TEX36: variants seen among roughly 807,000 people sequenced by gnomAD.
TEX36 encodes the protein testis-expressed protein 36.
Under a neutral mutation model 13.6 loss-of-function variants are expected in TEX36, and 12 were observed. That is an observed-to-expected ratio of 0.88 (90% CI 0.56 to 1.43). The LOEUF (loss-of-function observed/expected upper bound fraction) is 1.43, where lower values mean the gene tolerates loss of function less well. Among genes scored for constraint, TEX36 ranks in the 40% most tolerant of loss-of-function variants. TEX36 has a pLI of 0.00. For synonymous variants in TEX36, 93 were observed against 83.0 expected (o/e 1.12, Z -0.65); for missense variants, 224 against 228.3 (o/e 0.98, Z 0.12).
At chr10:125,622,453 T>C (rs1465394380) in intron 3 of TEX36, among the ~76,000 whole-genome samples, 1 of 152,262 alleles carries the variant, frequency 6.6e-6, no homozygotes, top group African/African-American at 2.4e-5. Context: ...TGGTCATAGC[T>C]GTTATTGATG....
At chr10:125,639,617 A>C in intron 3 of TEX36, among the ~76,000 whole-genome samples, 2 of 127,690 alleles carry the variant, frequency 1.6e-5, no homozygotes, top group South Asian at 2.7e-4. Flanking sequence ...GGGTGGGGGA[A>C]GCTGAGGGTG....
intron 3 of TEX36, among the ~76,000 whole-genome samples, chr10:125,582,862 G>C (rs1845899818): frequency 6.6e-6 from 1 of 152,144 alleles, no homozygotes. Flanking sequence ...AAGTGCTAAA[G>C]TGACAATTTT....
chr10:125,605,628 G>A (rs1355829760), intron 3 of TEX36, among the ~76,000 whole-genome samples: 1 of 152,068 alleles, frequency 6.6e-6, no homozygotes, highest in Admixed American at 6.6e-5. Context: ...TTGAGATGGA[G>A]TCTCGCTCTG....
chr10:125,662,124 G>T, intron 1 of TEX36, 147 bp from the exon 2 acceptor site: 1 of 1,160,236 alleles, frequency 8.6e-7, no homozygotes, highest in Non-Finnish European at 1.2e-6. Context: ...TAATTTTCAA[G>T]TATTCTTTCC....
chr10:125,678,724 C>G (rs1847348008), intron 1 of TEX36, among the ~76,000 whole-genome samples: 1 of 152,048 alleles, frequency 6.6e-6, no homozygotes, highest in Non-Finnish European at 1.5e-5. Flanking sequence ...TGGGGGCCAG[C>G]TGAGATGGTA....
intron 3 of TEX36, among the ~76,000 whole-genome samples, chr10:125,609,466 A>G (rs1475880971): frequency 3.3e-5 from 5 of 152,226 alleles, no homozygotes; most frequent in Non-Finnish European, 7.3e-5. Context: ...GATCTAACCA[A>G]CAGAATGTGA....
intron 1 of TEX36, among the ~76,000 whole-genome samples, chr10:125,675,276 G>A (rs755486485): frequency 2.6e-5 from 4 of 152,172 alleles, no homozygotes; most frequent in Non-Finnish European, 4.4e-5. Flanking sequence ...CACCAGCAGG[G>A]TAAAAATGGC....
intron 3 of TEX36, among the ~76,000 whole-genome samples, chr10:125,587,764 G>A (rs115716330): frequency 0.02 from 2,921 of 145,958 alleles, 88 homozygotes; most frequent in African/African-American, 0.068. Flanking sequence ...CTACAAGGGC[G>A]AGCGAAGCTC....
chr10:125,626,062 A>T (rs1027669150), intron 3 of TEX36, among the ~76,000 whole-genome samples: 10 of 152,230 alleles, frequency 6.6e-5, no homozygotes, highest in Non-Finnish European at 1.5e-4. Context: ...AGTGCAGGTG[A>T]TAAAGGTCAG....
Position 125,595,270 on chromosome 10 carries a change from C to T in TEX36, c.265-18396G>A, listed in dbSNP as rs549879749. 4.4e-4 allele frequency among the ~76,000 whole-genome samples: 67 copies of T among 151,944 alleles called. 3 individuals are homozygous for T. In the South Asian group the frequency reaches 0.014, roughly 32 times the overall value. On this transcript the variant is annotated intron_variant, in intron 3 of 3. Transcript: ENST00000532135. ...CCTGCAAATAATAAATAGGTTGTCCCTCCCTCATAAAAATCACCCCCCCAC... is the reference window on the plus strand; with the variant it reads ...CCTGCAAATAATAAATAGGTTGTCCTTCCCTCATAAAAATCACCCCCCCAC...
intron 3 of TEX36, among the ~76,000 whole-genome samples, chr10:125,649,771 G>C (rs750612687): frequency 6.6e-6 from 1 of 152,096 alleles, no homozygotes; most frequent in Non-Finnish European, 1.5e-5. Flanking sequence ...GCAGAAACAT[G>C]CATAGGCTCA....
intron 3 of TEX36, among the ~76,000 whole-genome samples, chr10:125,642,992 C>A (rs1264339152): frequency 6.6e-6 from 1 of 152,236 alleles, no homozygotes; most frequent in Non-Finnish European, 1.5e-5. Flanking sequence ...AATGTATTCA[C>A]TGTTCCAGGG....
At chr10:125,581,512 C>T (rs1845881992) in intron 3 of TEX36, among the ~76,000 whole-genome samples, 1 of 152,154 alleles carries the variant, frequency 6.6e-6, no homozygotes, top group African/African-American at 2.4e-5. Context: ...TCCCCCAGGT[C>T]CTTACAAGGA....
At chr10:125,639,765 A>G (rs1846662876) in intron 3 of TEX36, among the ~76,000 whole-genome samples, 1 of 152,206 alleles carries the variant, frequency 6.6e-6, no homozygotes, top group Non-Finnish European at 1.5e-5. Context: ...AAACATCTAG[A>G]ATGTCATAAA....
chr10:125,652,929 A>G (rs1485247930), downstream of TEX36, among the ~76,000 whole-genome samples: 5 of 152,204 alleles, frequency 3.3e-5, no homozygotes, highest in South Asian at 8.3e-4. Context: ...AAATCAAACC[A>G]CAATGAGATA....
chr10:125,599,672 A>G (rs1846122060), intron 3 of TEX36, among the ~76,000 whole-genome samples: 1 of 152,204 alleles, frequency 6.6e-6, no homozygotes, highest in Admixed American at 6.5e-5. Flanking sequence ...TCACTGCCTC[A>G]AACAACTGGC....
At chr10:125,640,081 T>A (rs1846668272) in intron 3 of TEX36, 1 of 834,680 alleles carries the variant, frequency 1.2e-6, no homozygotes, top group African/African-American at 1.8e-5. Flanking sequence ...AGTAGCTATA[T>A]GGAACGTGGA....
chr10:125,635,637 G>C (rs564515384), intron 3 of TEX36, among the ~76,000 whole-genome samples: 1 of 152,272 alleles, frequency 6.6e-6, no homozygotes, highest in Non-Finnish European at 1.5e-5. Flanking sequence ...CCCCAGCACT[G>C]CCATCCTCCT....
At chr10:125,594,095 A>G (rs1331942006) in intron 3 of TEX36, among the ~76,000 whole-genome samples, 1 of 152,152 alleles carries the variant, frequency 6.6e-6, no homozygotes, top group African/African-American at 2.4e-5. Context: ...CTCTCTCCCA[A>G]GACGTAGAAG....
Sources: gnomAD v4.1 joint callset for allele counts (sites outside exome capture counted in the v4.1 genomes callset) on GRCh38, gnomAD v4.1.1 for gene constraint, MANE v1.5 for transcripts, NCBI Gene and HGNC (gene_info 2026-07-23, HGNC 2026-07-21) for gene names.